DENND5B: variants seen among roughly 807,000 people sequenced by gnomAD.
DENND5B encodes DENN domain-containing protein 5B.
DENND5B carries 34 observed loss-of-function variants against 140.6 expected under a neutral mutation model. That is an observed-to-expected ratio of 0.24 (90% CI 0.18 to 0.32). The LOEUF is 0.32. Ranked by LOEUF, DENND5B falls within the 10% of genes least tolerant of loss-of-function variation. The pLI is 1.00. For synonymous variants in DENND5B, 551 were observed against 562.1 expected (o/e 0.98, Z 0.28); for missense variants, 1,142 against 1,560.2 (o/e 0.73, Z 4.52).
intron 14 of DENND5B, 109 bp downstream of exon 14, chr12:31,409,154 T>C: frequency 8.6e-7 from 1 of 1,167,816 alleles, no homozygotes; most frequent in Non-Finnish European, 1.1e-6. Context: ...GACCTGGGCG[T>C]ATGTCACAAT....
chr12:31,502,258 T>A (rs1228949838), intron 1 of DENND5B, among the ~76,000 whole-genome samples: 1 of 152,098 alleles, frequency 6.6e-6, no homozygotes, highest in African/African-American at 2.4e-5. Context: ...GAGGTTGCAG[T>A]GAGCCAAGAT....
intron 10 of DENND5B, among the ~76,000 whole-genome samples, chr12:31,423,962 T>C (rs950011548): frequency 2.0e-5 from 3 of 152,188 alleles, no homozygotes; most frequent in African/African-American, 7.2e-5. Flanking sequence ...TGGTTGTATG[T>C]AATTAGGGCT....
rs114660143 is a variant in DENND5B, at chr12:31,517,240, G to A, written c.128-21321C>T. On this transcript the variant is annotated intron_variant, in intron 1 of 20. Coordinates refer to ENST00000389082, the MANE Select transcript of DENND5B (RefSeq NM_144973.4). ...TATAAACTACCCCACTACAACCCAC[G>A]GTGATTCCTTTTTTCTCTAAGCCCT... 4.2e-3 allele frequency among the ~76,000 whole-genome samples: 633 copies of A among 152,262 alleles called. 5 individuals carry two copies. The highest frequency in any genetic ancestry group is 0.014 in the African/African-American group (575 of 41,542).
At chr12:31,584,577 G>A (rs1327196462) in intron 1 of DENND5B, among the ~76,000 whole-genome samples, 1 of 152,148 alleles carries the variant, frequency 6.6e-6, no homozygotes, top group Non-Finnish European at 1.5e-5. Context: ...ACTTTGGGAG[G>A]CCAAGGATGG....
intron 14 of DENND5B, among the ~76,000 whole-genome samples, chr12:31,403,348 C>T (rs1182916532): frequency 2.0e-5 from 3 of 151,756 alleles, no homozygotes; most frequent in Non-Finnish European, 4.4e-5. Context: ...TGTGGAAGCA[C>T]GAGAGGTTAG....
Position 31,488,592 on chromosome 12 carries a change from A to G in DENND5B, c.237+7218T>C, listed in dbSNP as rs78341056. Among the ~76,000 whole-genome samples, 1,470 of 152,314 alleles carry G rather than the reference A, an allele frequency of 9.7e-3. 5 individuals are homozygous for G. Among genetic ancestry groups the G allele is most frequent in the African/African-American group, 0.02 (816 of 41,556 alleles). Reference sequence around the variant, plus strand: ...ACAAATCAAAAAAAGTAAGAACTATATATCTAATCGGGAAACATGAACTGC... The same window carrying G: ...ACAAATCAAAAAAAGTAAGAACTATGTATCTAATCGGGAAACATGAACTGC... On this transcript the variant is annotated intron_variant, in intron 2 of 20. Transcript: ENST00000389082.
Position 31,480,237 on chromosome 12 carries a change from G to T in DENND5B, c.256C>A (p.Leu86Ile). 6.3e-7 allele frequency: 1 copy of T among 1,578,086 alleles called. No individual in the cohort carries two copies. Among genetic ancestry groups the T allele is most frequent in the Non-Finnish European group, 8.6e-7 (1 of 1,163,158 alleles). Residue 86 changes from leucine to isoleucine, a missense_variant, in exon 3 of 21, where the codon CTA becomes ATA. This residue lies in a region of DENND5B where 708 missense variants were observed against 905.5 expected (regional missense o/e 0.78). Transcript: ENST00000389082. ...AVNMLCMPKG[L>I]SFRTQTDNKD... Reference sequence around the variant, plus strand: ...TTGTCCGTTTGTGTCCTGAAAGATAGCCCTTTAGGCATGCACAACTGTGAA... The same window carrying T: ...TTGTCCGTTTGTGTCCTGAAAGATATCCCTTTAGGCATGCACAACTGTGAA...
intron 6 of DENND5B, among the ~76,000 whole-genome samples, chr12:31,447,268 TCAAAAA>T (rs750640976): frequency 1.2e-3 from 178 of 152,054 alleles, no homozygotes; most frequent in Non-Finnish European, 1.8e-3. Flanking sequence ...GAGAACCATC[TCAAAAA>T]CAAAAACAAA....
intron 7 of DENND5B, among the ~76,000 whole-genome samples, chr12:31,440,016 G>A (rs1943964545): frequency 6.7e-6 from 1 of 149,538 alleles, no homozygotes; most frequent in East Asian, 2.0e-4. Flanking sequence ...GAACAATTAG[G>A]ATACTTCACA....
intron 1 of DENND5B, among the ~76,000 whole-genome samples, chr12:31,558,337 A>T (rs758054547): frequency 1.3e-5 from 2 of 152,162 alleles, no homozygotes; most frequent in Non-Finnish European, 2.9e-5. Flanking sequence ...ACTCTCCACA[A>T]TGACATGAGT....
At chr12:31,442,968 A>G (rs1944104301) in intron 6 of DENND5B, 43 bp from the exon 7 acceptor site, 1 of 1,523,606 alleles carries the variant, frequency 6.6e-7, no homozygotes, top group Non-Finnish European at 8.8e-7. Context: ...TTTCATTGCT[A>G]GCCCTTCAAA....
intron 1 of DENND5B, among the ~76,000 whole-genome samples, chr12:31,525,917 C>T (rs1000234212): frequency 1.3e-5 from 2 of 152,146 alleles, no homozygotes; most frequent in African/African-American, 4.8e-5. Context: ...TGCTTAAGCC[C>T]AGGAGGCAGA....
chr12:31,498,052 A>C (rs1946852147), intron 1 of DENND5B, among the ~76,000 whole-genome samples: 1 of 152,072 alleles, frequency 6.6e-6, no homozygotes, highest in Non-Finnish European at 1.5e-5. Context: ...TTTAGAGAAA[A>C]AACAAAATTC....
intron 8 of DENND5B, among the ~76,000 whole-genome samples, chr12:31,430,716 G>A (rs1292680847): frequency 6.6e-6 from 1 of 151,994 alleles, no homozygotes; most frequent in Non-Finnish European, 1.5e-5. Context: ...TTATATAAAG[G>A]AAAACAAGCT....
At chr12:31,582,072 T>TC (rs1793454941) in intron 1 of DENND5B, among the ~76,000 whole-genome samples, 1 of 152,222 alleles carries the variant, frequency 6.6e-6, no homozygotes, top group South Asian at 2.1e-4. Context: ...TTTGGAACAC[T>TC]GTATTTTCAA....
chr12:31,565,355 C>G lies in DENND5B; in HGVS notation c.127+25351G>C, dbSNP rs2139356476. On this transcript the variant is annotated intron_variant, in intron 1 of 20. Coordinates refer to ENST00000389082, the MANE Select transcript of DENND5B (RefSeq NM_144973.4). ...GTTGCAGTGAGCTGAGATCATCTCA[C>G]AAAAAAACGAAAGAAAAGAAAGGAG... is the stretch of plus-strand genomic sequence containing the variant. 2.0e-5 allele frequency among the ~76,000 whole-genome samples: 3 copies of G among 152,076 alleles called. No homozygotes were observed. In the South Asian group the frequency reaches 6.2e-4, roughly 32 times the overall value.
intron 4 of DENND5B, among the ~76,000 whole-genome samples, chr12:31,458,336 A>G (rs771692303): frequency 6.6e-6 from 1 of 152,242 alleles, no homozygotes; most frequent in Non-Finnish European, 1.5e-5. Context: ...CATACAAAAT[A>G]GATCAGTCAC....
chr12:31,494,181 T>TATCTATCCATCC (rs1268264034), intron 2 of DENND5B, among the ~76,000 whole-genome samples: 85 of 85,776 alleles, frequency 9.9e-4, no homozygotes, highest in African/African-American at 3.2e-3. Flanking sequence ...TCTATCTATC[T>TATCTATCCATCC]ATCCATCCAT....
intron 2 of DENND5B, among the ~76,000 whole-genome samples, chr12:31,486,584 G>A (rs1946319733): frequency 6.6e-6 from 1 of 152,188 alleles, no homozygotes; most frequent in Non-Finnish European, 1.5e-5. Flanking sequence ...CAGCAGAGCT[G>A]GGTGACTGTG....
Sources: allele counts gnomAD v4.1 joint callset (sites outside exome capture counted in the v4.1 genomes callset), GRCh38; gene constraint gnomAD v4.1.1; regional missense constraint gnomAD v4.1.1; transcripts MANE v1.5; gene names NCBI Gene and HGNC (gene_info 2026-07-23, HGNC 2026-07-21).